TYRP1: variants seen among roughly 807,000 people sequenced by gnomAD.
The protein encoded by TYRP1 is 5,6-dihydroxyindole-2-carboxylic acid oxidase.
A neutral mutation model predicts 42.8 loss-of-function variants in TYRP1; 49 were observed. The observed-to-expected ratio is 1.14, with a 90% CI of 0.91 to 1.45. TYRP1 has a LOEUF of 1.45. TYRP1 is among the 40% of genes most tolerant of loss of function. The pLI is 0.00. For missense variants in TYRP1, 848 were observed against 662.0 expected (o/e 1.28, Z -3.08); for synonymous variants, 279 against 235.4 (o/e 1.19, Z -1.69).
At chr9:12,706,565 A>AT (rs779345563) in intron 6 of TYRP1, among the ~76,000 whole-genome samples, 4 of 152,162 alleles carry the variant, frequency 2.6e-5, no homozygotes, top group Non-Finnish European at 5.9e-5. Flanking sequence ...AATACCGTAA[A>AT]TAAAAAATAG....
intron 3 of TYRP1, among the ~76,000 whole-genome samples, chr9:12,696,475 A>G (rs1240521264): frequency 6.6e-6 from 1 of 152,146 alleles, no homozygotes; most frequent in African/African-American, 2.4e-5. Flanking sequence ...TTTACTATGT[A>G]TATTTATATC....
chr9:12,707,939 A>G, intron 6 of TYRP1, 58 bp from the exon 7 acceptor site: 1 of 1,516,250 alleles, frequency 6.6e-7, no homozygotes, highest in East Asian at 2.5e-5. Flanking sequence ...GAACTCAATA[A>G]TGATAGGAAT....
intron 3 of TYRP1, among the ~76,000 whole-genome samples, chr9:12,696,805 C>A (rs779471649): frequency 6.6e-6 from 1 of 151,944 alleles, no homozygotes; most frequent in African/African-American, 2.4e-5. Context: ...CAAAGTAAAC[C>A]TGTTTTCTAT....
chr9:12,695,643 C>T lies in TYRP1; in HGVS notation c.514C>T (p.Pro172Ser). ...CAGGAGATCAGAAGAAATACTGGGG[C>T]CAGATGGCAACACGCCACAATTTGA... ...ATRRSEEILGPDGNTPQFENI... is the reference protein window; with the variant it reads ...ATRRSEEILGSDGNTPQFENI... Residue 172 changes from proline (P) to serine (S), a missense_variant, in exon 3 of 8, where the codon CCA becomes TCA. By Grantham distance (74) the Pro-to-Ser change is moderately conservative. Coordinates refer to ENST00000388918, the MANE Select transcript of TYRP1 (RefSeq NM_000550.3). The T allele has an allele frequency of 6.2e-7, 1 of 1,614,134 alleles. No homozygotes were observed. The highest frequency in any genetic ancestry group is 8.5e-7 in the Non-Finnish European group (1 of 1,180,002).
chr9:12,695,903 T>A, intron 3 of TYRP1, 66 bp downstream of exon 3: 1 of 1,519,058 alleles, frequency 6.6e-7, no homozygotes, highest in Non-Finnish European at 9.1e-7. Flanking sequence ...TAAGTGATTT[T>A]AATTCACTAG....
In TYRP1 at chr9:12,695,665, T is replaced by C. The variant is rs867006614; in HGVS notation, c.536T>C (p.Phe179Ser). The part of the protein sequence containing the change: ...ILGPDGNTPQ[F>S]ENISIYNYFV... ...GGGCCAGATGGCAACACGCCACAAT[T>C]TGAGAACATTTCCATTTATAACTAC... The change falls in exon 3 of 8, where the codon TTT becomes TCT. Residue 179 changes from phenylalanine (F) to serine (S), a missense_variant. By Grantham distance (155) the Phe-to-Ser change is radical. Transcript: ENST00000388918. 6.2e-7 allele frequency: 1 copy of C among 1,614,162 alleles called. No homozygotes were observed. Among genetic ancestry groups the C allele is most frequent in the Non-Finnish European group, 8.5e-7 (1 of 1,180,026 alleles).
Position 12,702,333 on chromosome 9 carries a change from C to T in TYRP1, c.976C>T (p.Arg326Cys), listed in dbSNP as rs758005695. Residue 326 changes from arginine (R) to cysteine (C), a missense_variant, in exon 5 of 8, where the codon CGT becomes TGT. By Grantham distance (180) the Arg-to-Cys change is radical. Coordinates refer to ENST00000388918, the MANE Select transcript of TYRP1 (RefSeq NM_000550.3). ...AAATGTGGCCAGACCAATGGTGCAA[C>T]GTCTTCCTGAACCACAGGATGTCGC... The part of the protein sequence containing the change: ...AGNVARPMVQ[R>C]LPEPQDVAQC... 2.9e-5 allele frequency: 47 copies of T among 1,613,002 alleles called. No individual in the cohort carries two copies. The highest frequency in any genetic ancestry group is 2.4e-4 in the African/African-American group (18 of 74,830).
intron 6 of TYRP1, among the ~76,000 whole-genome samples, chr9:12,706,444 T>A (rs1818259752): frequency 1.3e-5 from 2 of 152,156 alleles, no homozygotes; most frequent in South Asian, 4.1e-4. Context: ...AACTTAAAGG[T>A]CATTGATGAA....
intron 4 of TYRP1, among the ~76,000 whole-genome samples, chr9:12,702,070 C>T (rs1045656149): frequency 3.3e-5 from 5 of 152,072 alleles, no homozygotes; most frequent in Non-Finnish European, 7.4e-5. Context: ...TTATGTATCT[C>T]ATATCTACTT....
intron 3 of TYRP1, 88 bp downstream of exon 3, chr9:12,695,925 A>C: frequency 6.9e-7 from 1 of 1,446,000 alleles, no homozygotes; most frequent in Admixed American, 1.8e-5. Context: ...TTTCAGAATC[A>C]TCAGAACATT....
chr9:12,704,487 G>A (rs770848720), intron 5 of TYRP1, 39 bp from the exon 6 acceptor site: 1 of 1,587,716 alleles, frequency 6.3e-7, no homozygotes, highest in East Asian at 2.2e-5. Flanking sequence ...TGAAATATTT[G>A]CAATAGTTTT....
chr9:12,697,515 G>A (rs1818096720), intron 3 of TYRP1, among the ~76,000 whole-genome samples: 1 of 152,006 alleles, frequency 6.6e-6, no homozygotes, highest in African/African-American at 2.4e-5. Context: ...AAACACCCAA[G>A]GATAAGAAAA....
chr9:12,703,072 C>T (rs1343167987), intron 5 of TYRP1, among the ~76,000 whole-genome samples: 1 of 151,944 alleles, frequency 6.6e-6, no homozygotes, highest in Non-Finnish European at 1.5e-5. Flanking sequence ...GGTTCAAATT[C>T]AAGTTTTCAA....
rs1252790809 is a variant in TYRP1, at chr9:12,694,068, T to C, written c.72T>C (p.Ala24=). 1.2e-5 allele frequency: 19 copies of C among 1,613,874 alleles called. No individual in the cohort carries two copies. The highest frequency in any genetic ancestry group is 5.0e-5 in the Admixed American group (3 of 59,986). ...FPLLLFQQAR[A]QFPRQCATVE... Reference sequence around the variant, plus strand: ...TGCTACTTTTTCAGCAGGCCCGGGCTCAATTCCCAAGACAGTGTGCCACTG... The same window carrying C: ...TGCTACTTTTTCAGCAGGCCCGGGCCCAATTCCCAAGACAGTGTGCCACTG... The change falls in exon 2 of 8, where the codon GCT becomes GCC. Residue 24 remains alanine (A), a synonymous_variant. Coordinates refer to ENST00000388918, the MANE Select transcript of TYRP1 (RefSeq NM_000550.3).
At chr9:12,708,635 G>A (rs920755000) in intron 7 of TYRP1, among the ~76,000 whole-genome samples, 10 of 151,906 alleles carry the variant, frequency 6.6e-5, no homozygotes, top group African/African-American at 2.2e-4. Flanking sequence ...CCCCAACAAA[G>A]GCAGTAGGGC....
chr9:12,708,270 T>G lies in TYRP1; in HGVS notation c.1408+127T>G, dbSNP rs1180834585. 2.1e-5 allele frequency: 25 copies of G among 1,183,032 alleles called. No homozygotes were observed. In the East Asian group the frequency reaches 6.1e-4, roughly 29 times the overall value. The allele number at this position is 1,183,032 out of a possible 1,614,324, so 73.3% of individuals were successfully genotyped here. Reference sequence around the variant, plus strand: ...TGGACTTGGAAACTTTCATTTGTACTTTTATTTGAGGATAAGGGAAGGAAT... The same window carrying G: ...TGGACTTGGAAACTTTCATTTGTACGTTTATTTGAGGATAAGGGAAGGAAT... On this transcript the variant is annotated intron_variant, in intron 7 of 7. Coordinates refer to ENST00000388918, the MANE Select transcript of TYRP1 (RefSeq NM_000550.3).
At chr9:12,698,072 T>C (rs1349255397) in intron 3 of TYRP1, among the ~76,000 whole-genome samples, 2 of 152,140 alleles carry the variant, frequency 1.3e-5, no homozygotes, top group Non-Finnish European at 2.9e-5. Context: ...GAATTAAAGA[T>C]AGGAAAATGG....
chr9:12,699,866 A>T (rs557461047), intron 4 of TYRP1, among the ~76,000 whole-genome samples: 1 of 152,194 alleles, frequency 6.6e-6, no homozygotes, highest in East Asian at 1.9e-4. Context: ...ATACCAAAAT[A>T]AAACACAGTT....
intron 6 of TYRP1, among the ~76,000 whole-genome samples, chr9:12,706,501 T>G (rs1818260524): frequency 6.6e-6 from 1 of 152,052 alleles, no homozygotes; most frequent in African/African-American, 2.4e-5. Flanking sequence ...TTTCTTTGTT[T>G]GCAATATGTG....
Sources: gnomAD v4.1 joint callset for allele counts (sites outside exome capture counted in the v4.1 genomes callset) on GRCh38, gnomAD v4.1.1 for gene constraint, MANE v1.5 for transcripts, NCBI Gene and HGNC (gene_info 2026-07-23, HGNC 2026-07-21) for gene names.